Variants in GALNT13 observed in about 807,000 individuals in gnomAD.
GALNT13 encodes polypeptide N-acetylgalactosaminyltransferase 13, also known as UDP-GalNAc:polypeptide N-acetylgalactosaminyltransferase 13.
In GALNT13, 28 loss-of-function variants were observed where a neutral mutation model predicts 64.2. The ratio of observed to expected loss-of-function variants is 0.44; its 90% confidence interval spans 0.32 to 0.60. The LOEUF is 0.60. Ranked by LOEUF, GALNT13 falls within the 20% of genes least tolerant of loss-of-function variation. GALNT13 has a pLI of 0.05. For synonymous variants in GALNT13, 214 were observed against 224.6 expected (o/e 0.95, Z 0.42); for missense variants, 577 against 669.8 (o/e 0.86, Z 1.53).
chr2:154,391,602 G>A (rs964847718), intron 9 of GALNT13, among the ~76,000 whole-genome samples: 5 of 152,140 alleles, frequency 3.3e-5, no homozygotes, highest in African/African-American at 9.7e-5. Context: ...TTACCAGAGG[G>A]CAGAATGGAT....
intron 2 of GALNT13, among the ~76,000 whole-genome samples, chr2:153,909,132 A>G (rs775133309): frequency 6.6e-6 from 1 of 151,904 alleles, no homozygotes; most frequent in African/African-American, 2.4e-5. Flanking sequence ...CTGGTTAACT[A>G]TATTCCTAGG....
the GALNT13 span, among the ~76,000 whole-genome samples, chr2:153,432,478 C>T: frequency 6.6e-6 from 1 of 152,152 alleles, no homozygotes; most frequent in Non-Finnish European, 1.5e-5. Flanking sequence ...AATGTGAGCA[C>T]CTTTTCAGAA....
chr2:153,757,106 C>A, the GALNT13 span, among the ~76,000 whole-genome samples: 1 of 151,954 alleles, frequency 6.6e-6, no homozygotes, highest in Non-Finnish European at 1.5e-5. Flanking sequence ...ATTAACATAA[C>A]CATCACCTCA....
intron 11 of GALNT13, among the ~76,000 whole-genome samples, chr2:154,418,428 A>G (rs1035637834): frequency 3.9e-5 from 6 of 152,182 alleles, no homozygotes; most frequent in African/African-American, 1.4e-4. Flanking sequence ...TAGCCGCGCT[A>G]CCACATGTAT....
At chr2:153,511,511 C>T in the GALNT13 span, among the ~76,000 whole-genome samples, 12 of 152,070 alleles carry the variant, frequency 7.9e-5, no homozygotes, top group Non-Finnish European at 1.3e-4. Context: ...CAGGGGAATG[C>T]GTTAGAGGTC....
At chr2:154,435,474 T>C (rs1478701322) in intron 11 of GALNT13, among the ~76,000 whole-genome samples, 1 of 152,190 alleles carries the variant, frequency 6.6e-6, no homozygotes, top group African/African-American at 2.4e-5. Context: ...AGGGAATAGC[T>C]GCTTCCTAGG....
intron 4 of GALNT13, among the ~76,000 whole-genome samples, chr2:154,159,137 A>G (rs938073902): frequency 6.6e-6 from 1 of 151,202 alleles, no homozygotes; most frequent in African/African-American, 2.4e-5. Context: ...TTATTTATTC[A>G]TTTATTTATT....
intron 3 of GALNT13, among the ~76,000 whole-genome samples, chr2:154,138,505 G>A (rs1683075129): frequency 6.8e-6 from 1 of 147,806 alleles, no homozygotes. Flanking sequence ...TTAAGAATCA[G>A]AATATTTTTT....
the GALNT13 span, among the ~76,000 whole-genome samples, chr2:153,748,493 A>G: frequency 6.6e-6 from 1 of 152,200 alleles, no homozygotes; most frequent in African/African-American, 2.4e-5. Flanking sequence ...ATGATATCTC[A>G]TTATAGTTTT....
chr2:154,152,700 C>CGCA (rs1684121253), intron 4 of GALNT13, among the ~76,000 whole-genome samples: 2 of 152,170 alleles, frequency 1.3e-5, no homozygotes, highest in African/African-American at 2.4e-5. Context: ...ATCACTGATA[C>CGCA]TCTTTCTTCC....
intron 9 of GALNT13, among the ~76,000 whole-genome samples, chr2:154,304,026 T>G (rs1345271236): frequency 6.6e-6 from 1 of 152,146 alleles, no homozygotes; most frequent in Non-Finnish European, 1.5e-5. Flanking sequence ...AGTGCTGTGA[T>G]TACAGGCTTG....
chr2:154,431,511 A>G (rs1347600218), intron 11 of GALNT13, among the ~76,000 whole-genome samples: 1 of 152,194 alleles, frequency 6.6e-6, no homozygotes, highest in Non-Finnish European at 1.5e-5. Flanking sequence ...GATCCTTCTC[A>G]CAGAAGTCCT....
chr2:154,053,524 A>G (rs1177112395), intron 3 of GALNT13, among the ~76,000 whole-genome samples: 1 of 151,956 alleles, frequency 6.6e-6, no homozygotes, highest in African/African-American at 2.4e-5. Context: ...TTATTAGTTT[A>G]TTTGATTTCC....
chr2:154,431,897 T>C (rs1267441325), intron 11 of GALNT13, among the ~76,000 whole-genome samples: 1 of 152,186 alleles, frequency 6.6e-6, no homozygotes, highest in Non-Finnish European at 1.5e-5. Flanking sequence ...CCACCACAAT[T>C]GTGAGCCTCC....
chr2:153,140,147 A>T, the GALNT13 span, among the ~76,000 whole-genome samples: 1 of 152,042 alleles, frequency 6.6e-6, no homozygotes, highest in African/African-American at 2.4e-5. Flanking sequence ...ACAACCAAAA[A>T]CTATTTATCA....
the GALNT13 span, among the ~76,000 whole-genome samples, chr2:153,203,874 T>C: frequency 1.3e-5 from 2 of 150,900 alleles, no homozygotes; most frequent in Non-Finnish European, 3.0e-5. Flanking sequence ...GTAGCGTGTC[T>C]ACACACACAC....
chr2:153,284,095 C>T, the GALNT13 span, among the ~76,000 whole-genome samples: 1 of 152,182 alleles, frequency 6.6e-6, no homozygotes, highest in African/African-American at 2.4e-5. Flanking sequence ...GCTCAGACTG[C>T]TGATTCAGAC....
chr2:153,633,299 A>T, the GALNT13 span, among the ~76,000 whole-genome samples: 1 of 152,184 alleles, frequency 6.6e-6, no homozygotes, highest in African/African-American at 2.4e-5. Flanking sequence ...TGAATCACAC[A>T]GCTGAGGATA....
chr2:153,716,329 CATT>C, the GALNT13 span, among the ~76,000 whole-genome samples: 646 of 152,310 alleles, frequency 4.2e-3, 4 homozygotes, highest in African/African-American at 0.014. Context: ...TTTCTTAAAA[CATT>C]ATGTGATTTT....
Sources: allele counts gnomAD v4.1 joint callset (sites outside exome capture counted in the v4.1 genomes callset), GRCh38; gene constraint gnomAD v4.1.1; transcripts MANE v1.5; gene names NCBI Gene and HGNC (gene_info 2026-07-23, HGNC 2026-07-21).